The following WDR11 variants were observed in gnomAD, a reference collection of about 807,000 sequenced individuals.
The protein encoded by WDR11 is WD repeat domain 11.
Under a neutral mutation model 151.2 loss-of-function variants are expected in WDR11, and 83 were observed. The ratio of observed to expected loss-of-function variants is 0.55; its 90% CI spans 0.46 to 0.66. The LOEUF (loss-of-function observed/expected upper bound fraction) is 0.66, where lower values mean the gene tolerates loss of function less well. WDR11 is among the 30% of genes least tolerant of loss of function. The pLI is 0.00. For missense variants in WDR11, 1,301 were observed against 1,480.9 expected (o/e 0.88, Z 1.99); for synonymous variants, 484 against 533.1 (o/e 0.91, Z 1.27).
At chr10:120,880,479 G>A (rs55969368) in intron 12 of WDR11, 7,927 of 256,412 alleles carry the variant, frequency 0.031, 649 homozygotes, top group African/African-American at 0.17. Context: ...GGCCAACATG[G>A]TGAAACCCCA....
Position 120,897,307 on chromosome 10 carries a change from A to T in WDR11, c.2516-2722A>T, listed in dbSNP as rs1847648710. On this transcript the variant is annotated intron_variant, in intron 19 of 28. Coordinates refer to ENST00000263461, the MANE Select transcript of WDR11 (RefSeq NM_018117.12). Reference sequence around the variant, plus strand: ...AAAATCACCACTTTGCAGCCCCGATACAATAATTAATTGTATACACAAGCA... The same window carrying T: ...AAAATCACCACTTTGCAGCCCCGATTCAATAATTAATTGTATACACAAGCA... Among the ~76,000 whole-genome samples, 4 of 152,226 alleles carry T rather than the reference A, an allele frequency of 2.6e-5. 1 individual carries two copies. The South Asian group carries it at 8.3e-4, about 32-fold the overall frequency.
chr10:120,872,161 A>G (rs991272944), intron 10 of WDR11, among the ~76,000 whole-genome samples: 1 of 152,134 alleles, frequency 6.6e-6, no homozygotes, highest in African/African-American at 2.4e-5. Flanking sequence ...CTGACTTCTC[A>G]GTGTTAAAGA....
At position 120,895,722 on chromosome 10, in the gene WDR11, C is replaced by T. The variant is rs552822201; in HGVS notation, c.2516-4307C>T. Among the ~76,000 whole-genome samples, 187 of 152,082 alleles carry T rather than the reference C, an allele frequency of 1.2e-3. 1 individual carries two copies. Among genetic ancestry groups the T allele is most frequent in the African/African-American group, 4.5e-3 (185 of 41,488 alleles). On this transcript the variant is annotated intron_variant, in intron 19 of 28. Transcript: ENST00000263461. ...AATAAGAAAAATATTTGACCTCCTACTGGTAAGGATAAAAGAAGAAAATAA... is the reference window on the plus strand; with the variant it reads ...AATAAGAAAAATATTTGACCTCCTATTGGTAAGGATAAAAGAAGAAAATAA...
At chr10:120,907,886 T>G (rs942119869) in intron 28 of WDR11, 1 of 151,384 alleles carries the variant, frequency 6.6e-6, no homozygotes, top group African/African-American at 2.4e-5. Context: ...CAAGCAGTCC[T>G]CTCACCTTGG....
chr10:120,870,142 A>G (rs1344962651), intron 9 of WDR11, among the ~76,000 whole-genome samples: 1 of 152,188 alleles, frequency 6.6e-6, no homozygotes, highest in Non-Finnish European at 1.5e-5. Context: ...GTATGTGGCT[A>G]ATCCTAAGGG....
At chr10:120,905,549 T>C (rs997620909) in intron 26 of WDR11, 133 bp downstream of exon 26, 1 of 948,982 alleles carries the variant, frequency 1.1e-6, no homozygotes, top group Admixed American at 2.0e-5. Flanking sequence ...TTGGAACCTT[T>C]ATCCTTTTCC....
At chr10:120,899,543 G>T (rs1847736175) in intron 19 of WDR11, among the ~76,000 whole-genome samples, 1 of 152,124 alleles carries the variant, frequency 6.6e-6, no homozygotes, top group Admixed American at 6.5e-5. Context: ...AGGACTTTGG[G>T]AGGCCAAGGT....
chr10:120,865,542 A>T (rs1846282346), intron 6 of WDR11, 88 bp from the exon 7 acceptor site: 2 of 903,944 alleles, frequency 2.2e-6, no homozygotes, highest in East Asian at 5.4e-5. Context: ...TCTTTTGCCC[A>T]TATTATCTAA....
chr10:120,877,587 C>T (rs1213227276), intron 11 of WDR11, among the ~76,000 whole-genome samples: 1 of 151,966 alleles, frequency 6.6e-6, no homozygotes, highest in African/African-American at 2.4e-5. Context: ...TCACTGCACT[C>T]CAGCTTGGGT....
At chr10:120,906,208 G>A in intron 27 of WDR11, 187 bp downstream of exon 27, 1 of 1,477,000 alleles carries the variant, frequency 6.8e-7, no homozygotes, top group African/African-American at 1.4e-5. Context: ...ATTCGGTCTA[G>A]GAGCTATGCT....
chr10:120,901,156 A>T, intron 21 of WDR11, 58 bp downstream of exon 21: 1 of 1,373,650 alleles, frequency 7.3e-7, no homozygotes. Flanking sequence ...ATGCAATTCA[A>T]CTTTAAATGC....
intron 25 of WDR11, 53 bp from the exon 26 acceptor site, chr10:120,905,266 T>G: frequency 1.3e-6 from 2 of 1,577,262 alleles, no homozygotes; most frequent in Non-Finnish European, 1.7e-6. Context: ...TTTAATGACT[T>G]CTCAAAGAAG....
intron 2 of WDR11, among the ~76,000 whole-genome samples, chr10:120,854,291 T>C (rs902833730): frequency 1.3e-5 from 2 of 152,242 alleles, no homozygotes; most frequent in African/African-American, 4.8e-5. Flanking sequence ...TGTGGTCTTT[T>C]GTGCATGACT....
intron 2 of WDR11, among the ~76,000 whole-genome samples, chr10:120,857,149 A>G (rs1479093201): frequency 6.6e-6 from 1 of 152,220 alleles, no homozygotes; most frequent in Non-Finnish European, 1.5e-5. Context: ...GGTAGGCAGT[A>G]TGCTTGGGGA....
intron 11 of WDR11, 83 bp downstream of exon 11, chr10:120,874,006 T>C: frequency 2.4e-6 from 2 of 847,064 alleles, no homozygotes; most frequent in Middle Eastern, 2.3e-4. Context: ...TTGAGTACTC[T>C]GTAATATCTG....
At chr10:120,873,720 T>G in intron 10 of WDR11, 119 bp from the exon 11 acceptor site, 1 of 741,384 alleles carries the variant, frequency 1.3e-6, no homozygotes. Context: ...ACACATAGTT[T>G]GGGTTTCTTT....
intron 9 of WDR11, among the ~76,000 whole-genome samples, chr10:120,867,950 G>T (rs968917694): frequency 6.6e-6 from 1 of 152,190 alleles, no homozygotes; most frequent in Non-Finnish European, 1.5e-5. Flanking sequence ...GGAAGAATGA[G>T]AGTTTGTGAT....
chr10:120,863,133 A>AACTT (rs1846195415), intron 5 of WDR11, among the ~76,000 whole-genome samples: 1 of 152,208 alleles, frequency 6.6e-6, no homozygotes, highest in African/African-American at 2.4e-5. Flanking sequence ...AGCTGTGCTA[A>AACTT]ACTTCCCCAC....
chr10:120,856,743 A>G (rs186883113), intron 2 of WDR11, among the ~76,000 whole-genome samples: 97 of 152,196 alleles, frequency 6.4e-4, no homozygotes, highest in African/African-American at 2.2e-3. Flanking sequence ...ATATATATAT[A>G]TGGCTTGGAG....
Sources: gnomAD v4.1 joint callset for allele counts (sites outside exome capture counted in the v4.1 genomes callset) on GRCh38, gnomAD v4.1.1 for gene constraint, MANE v1.5 for transcripts, NCBI Gene and HGNC (gene_info 2026-07-23, HGNC 2026-07-21) for gene names.